Variants in UBL3 observed in about 807,000 individuals in gnomAD.
UBL3 encodes the protein ubiquitin-like protein 3.
A neutral mutation model predicts 18.4 loss-of-function variants in UBL3; 6 were observed. That is an observed-to-expected ratio of 0.33 (90% CI 0.18 to 0.64). The LOEUF is 0.64. Ranked by LOEUF, UBL3 falls within the 30% of genes least tolerant of loss-of-function variation. The pLI is 0.76. For synonymous variants in UBL3, 49 were observed against 46.6 expected (o/e 1.05, Z -0.21); for missense variants, 109 against 142.9 (o/e 0.76, Z 1.21).
At chr13:29,845,668 A>T (rs532064747) in intron 1 of UBL3, among the ~76,000 whole-genome samples, 18 of 152,116 alleles carry the variant, frequency 1.2e-4, no homozygotes, top group Non-Finnish European at 2.6e-4. Context: ...GTGATATAAC[A>T]AAAGTTACAA....
chr13:29,804,132 G>A (rs1412018673), intron 1 of UBL3, among the ~76,000 whole-genome samples: 1 of 148,704 alleles, frequency 6.7e-6, no homozygotes, highest in Non-Finnish European at 1.5e-5. Flanking sequence ...TTGGACCATA[G>A]CTCATTAAAA....
chr13:29,814,495 C>T (rs908260013), intron 1 of UBL3, among the ~76,000 whole-genome samples: 2 of 151,644 alleles, frequency 1.3e-5, no homozygotes, highest in African/African-American at 4.8e-5. Flanking sequence ...GGATGCCAAG[C>T]CAAATTTTGT....
intron 1 of UBL3, among the ~76,000 whole-genome samples, chr13:29,781,528 A>G (rs1056122820): frequency 6.6e-6 from 1 of 152,168 alleles, no homozygotes; most frequent in African/African-American, 2.4e-5. Context: ...AAGAAATATA[A>G]ATGATTTTCT....
chr13:29,847,770 C>A (rs1399006586), intron 1 of UBL3, among the ~76,000 whole-genome samples: 1 of 152,100 alleles, frequency 6.6e-6, no homozygotes, highest in Non-Finnish European at 1.5e-5. Flanking sequence ...ACCCACAGAT[C>A]ACTCATCAAA....
intron 1 of UBL3, among the ~76,000 whole-genome samples, chr13:29,828,524 C>T: frequency 6.6e-6 from 1 of 152,178 alleles, no homozygotes; most frequent in Non-Finnish European, 1.5e-5. Flanking sequence ...TTTTCAGCTC[C>T]ATCAGGTCAT....
At chr13:29,770,629 T>C (rs770489857) in intron 3 of UBL3, among the ~76,000 whole-genome samples, 4 of 152,090 alleles carry the variant, frequency 2.6e-5, no homozygotes, top group Non-Finnish European at 4.4e-5. Flanking sequence ...TTCACTCATA[T>C]AATCGATAGA....
chr13:29,777,121 C>A, intron 2 of UBL3, 34 bp downstream of exon 2: 1 of 1,495,494 alleles, frequency 6.7e-7, no homozygotes, highest in Non-Finnish European at 9.1e-7. Context: ...TAAGAATCAA[C>A]ATTATTCATA....
intron 1 of UBL3, among the ~76,000 whole-genome samples, chr13:29,805,001 T>C (rs780129644): frequency 6.6e-6 from 1 of 152,180 alleles, no homozygotes; most frequent in Non-Finnish European, 1.5e-5. Flanking sequence ...CTTGGTTACA[T>C]ATAATTCTGT....
At chr13:29,832,016 G>A (rs371463133) in intron 1 of UBL3, among the ~76,000 whole-genome samples, 2 of 152,198 alleles carry the variant, frequency 1.3e-5, no homozygotes, top group Admixed American at 1.3e-4. Context: ...AGCCCAGCAC[G>A]TGGCTACCTT....
intron 1 of UBL3, among the ~76,000 whole-genome samples, chr13:29,822,962 G>T (rs1472143283): frequency 6.6e-6 from 1 of 152,042 alleles, no homozygotes; most frequent in East Asian, 1.9e-4. Context: ...CATAAAAAAT[G>T]TGGAGCGTAG....
intron 3 of UBL3, among the ~76,000 whole-genome samples, chr13:29,768,739 G>A (rs368196576): frequency 1.3e-5 from 2 of 152,062 alleles, no homozygotes; most frequent in African/African-American, 4.8e-5. Context: ...GAAGCACGAT[G>A]GCCCATAAAT....
chr13:29,837,154 T>C (rs1307941026), intron 1 of UBL3, among the ~76,000 whole-genome samples: 1 of 152,178 alleles, frequency 6.6e-6, no homozygotes, highest in Non-Finnish European at 1.5e-5. Flanking sequence ...TAATTCAGAT[T>C]CTCTATAATT....
At chr13:29,841,126 A>G (rs1337276979) in intron 1 of UBL3, among the ~76,000 whole-genome samples, 2 of 152,142 alleles carry the variant, frequency 1.3e-5, no homozygotes, top group Non-Finnish European at 2.9e-5. Flanking sequence ...CATAAACAAA[A>G]ATGTTAATGT....
At chr13:29,846,499 T>A (rs1334940114) in intron 1 of UBL3, among the ~76,000 whole-genome samples, 1 of 152,060 alleles carries the variant, frequency 6.6e-6, no homozygotes, top group Admixed American at 6.6e-5. Context: ...AACACAAAAA[T>A]TTACTGGATG....
chr13:29,821,654 C>T (rs1016902601), intron 1 of UBL3, among the ~76,000 whole-genome samples: 1 of 152,180 alleles, frequency 6.6e-6, no homozygotes, highest in South Asian at 2.1e-4. Flanking sequence ...TCATTACATA[C>T]GTACTCCACA....
intron 1 of UBL3, among the ~76,000 whole-genome samples, chr13:29,786,312 TA>T (rs1877316567): frequency 6.6e-6 from 1 of 152,204 alleles, no homozygotes; most frequent in Non-Finnish European, 1.5e-5. Context: ...TCAAAACTGT[TA>T]ATTTCTTACT....
intron 1 of UBL3, among the ~76,000 whole-genome samples, chr13:29,818,192 A>G (rs957046204): frequency 5.9e-5 from 9 of 152,218 alleles, no homozygotes; most frequent in African/African-American, 1.9e-4. Context: ...ATAAGAAAAC[A>G]GTCATACTCT....
At chr13:29,847,236 G>T (rs942542343) in intron 1 of UBL3, among the ~76,000 whole-genome samples, 1 of 152,054 alleles carries the variant, frequency 6.6e-6, no homozygotes, top group African/African-American at 2.4e-5. Context: ...CTAACCAGTT[G>T]AACAGTAGAA....
At chr13:29,779,216 C>T (rs572357928) in intron 1 of UBL3, 3 of 504,836 alleles carry the variant, frequency 5.9e-6, no homozygotes, top group East Asian at 5.6e-5. Context: ...AACATCTATG[C>T]AACACAATAT....
Sources: gnomAD v4.1 joint callset for allele counts (sites outside exome capture counted in the v4.1 genomes callset) on GRCh38, gnomAD v4.1.1 for gene constraint, MANE v1.5 for transcripts, NCBI Gene and HGNC (gene_info 2026-07-23, HGNC 2026-07-21) for gene names.